ZMIZ1: variants seen among roughly 807,000 people sequenced by gnomAD.
The protein encoded by ZMIZ1 is zinc finger MIZ-type containing 1.
In ZMIZ1, 17 loss-of-function variants were observed where a neutral mutation model predicts 113.9. That is an observed-to-expected ratio of 0.15 (90% CI 0.10 to 0.22). ZMIZ1 has a LOEUF of 0.22. Ranked by LOEUF, ZMIZ1 falls within the 10% of genes least tolerant of loss-of-function variation. The pLI, the probability that ZMIZ1 is intolerant of heterozygous loss-of-function variation, is 1.00. For synonymous variants in ZMIZ1, 607 were observed against 603.1 expected (o/e 1.01, Z -0.09); for missense variants, 1,059 against 1,477.8 (o/e 0.72, Z 4.65).
At chr10:79,312,611 C>CA (rs1474700715) in intron 24 of ZMIZ1, 31 bp from the exon 25 acceptor site, 2 of 1,611,758 alleles carry the variant, frequency 1.2e-6, no homozygotes, top group Admixed American at 3.3e-5. Flanking sequence ...AGGCACACCT[C>CA]ATCTGAACTT....
At chr10:79,311,304 G>GGGGGGGGGGGGGGGGGGC in intron 24 of ZMIZ1, 120 bp downstream of exon 24, 1 of 359,152 alleles carries the variant, frequency 2.8e-6, no homozygotes, top group Non-Finnish European at 5.5e-6. Context: ...TGGGCGGTGG[G>GGGGGGGGGGGGGGGGGGC]AGGGCTTCAC....
chr10:79,276,346 A>C (rs1016197866), intron 7 of ZMIZ1, among the ~76,000 whole-genome samples: 2 of 152,182 alleles, frequency 1.3e-5, no homozygotes, highest in African/African-American at 2.4e-5. Context: ...CTGGCCTGGG[A>C]GGCGCTTTTG....
At chr10:79,269,778 C>T (rs1023060393) in intron 7 of ZMIZ1, among the ~76,000 whole-genome samples, 1 of 152,084 alleles carries the variant, frequency 6.6e-6, no homozygotes, top group Non-Finnish European at 1.5e-5. Context: ...CCATCAGGAG[C>T]GCCTCTTTCC....
chr10:79,195,101 C>T (rs1179605201), intron 4 of ZMIZ1, among the ~76,000 whole-genome samples: 3 of 152,240 alleles, frequency 2.0e-5, no homozygotes, highest in Non-Finnish European at 4.4e-5. Context: ...ATGGACCTGC[C>T]TTGGGACAGG....
At chr10:79,306,546 G>A (rs1411374739) in intron 22 of ZMIZ1, among the ~76,000 whole-genome samples, 1 of 152,094 alleles carries the variant, frequency 6.6e-6, no homozygotes, top group African/African-American at 2.4e-5. Flanking sequence ...AGCCTGCCCT[G>A]GTGGGAGATA....
intron 1 of ZMIZ1, among the ~76,000 whole-genome samples, chr10:79,088,994 A>T (rs2132218715): frequency 6.6e-6 from 1 of 152,294 alleles, no homozygotes; most frequent in Admixed American, 6.5e-5. Flanking sequence ...TGCTCAGGGA[A>T]TCAGGTCTTC....
intron 1 of ZMIZ1, among the ~76,000 whole-genome samples, chr10:79,087,113 T>C (rs1413829004): frequency 2.0e-5 from 3 of 152,266 alleles, no homozygotes; most frequent in Admixed American, 2.0e-4. Context: ...ACCCTCCACC[T>C]TCCCATTGCT....
At chr10:79,240,950 C>T (rs1849805700) in intron 7 of ZMIZ1, among the ~76,000 whole-genome samples, 1 of 152,126 alleles carries the variant, frequency 6.6e-6, no homozygotes, top group Non-Finnish European at 1.5e-5. Flanking sequence ...ATGGTACCAA[C>T]ACATATAGGA....
intron 8 of ZMIZ1, among the ~76,000 whole-genome samples, chr10:79,283,417 A>G (rs541394445): frequency 1.3e-5 from 2 of 152,336 alleles, no homozygotes; most frequent in South Asian, 2.1e-4. Flanking sequence ...CTTGTCGCCA[A>G]GCCTGGCACA....
At position 79,311,500 on chromosome 10, in the gene ZMIZ1, G is replaced by A. The variant is rs530553284; in HGVS notation, c.3096+316G>A. 4.5e-3 allele frequency among the ~76,000 whole-genome samples: 689 copies of A among 152,272 alleles called. 2 individuals are homozygous for A. Among genetic ancestry groups the A allele is most frequent in the Non-Finnish European group, 7.5e-3 (510 of 68,006 alleles). ...CACAGGAGGGTCCCTGCCCTCCCCC[G>A]ATGGTGAGCTTGCGGTTTCTGTGTC... On this transcript the variant is annotated intron_variant, in intron 24 of 24. Coordinates refer to ENST00000334512, the MANE Select transcript of ZMIZ1 (RefSeq NM_020338.4).
At chr10:79,231,524 G>A (rs1275604787) in intron 7 of ZMIZ1, among the ~76,000 whole-genome samples, 1 of 151,626 alleles carries the variant, frequency 6.6e-6, no homozygotes, top group Non-Finnish European at 1.5e-5. Context: ...GATTATAGGT[G>A]TGAGCCACCA....
intron 2 of ZMIZ1, among the ~76,000 whole-genome samples, chr10:79,134,671 A>G (rs935798176): frequency 1.3e-5 from 2 of 152,316 alleles, no homozygotes; most frequent in Non-Finnish European, 2.9e-5. Flanking sequence ...ATCCGGACAC[A>G]TGTGAGGGTG....
chr10:79,230,112 A>G (rs1849336501), intron 7 of ZMIZ1, among the ~76,000 whole-genome samples: 2 of 152,036 alleles, frequency 1.3e-5, no homozygotes, highest in Non-Finnish European at 2.9e-5. Context: ...GCTCCGGCCG[A>G]GCAAAACAGT....
chr10:79,140,970 C>T (rs529376587), intron 3 of ZMIZ1, among the ~76,000 whole-genome samples: 23 of 151,952 alleles, frequency 1.5e-4, no homozygotes, highest in East Asian at 1.9e-4. Context: ...TTTGTGGAGA[C>T]GGGGTCTCAC....
chr10:79,202,042 G>A (rs1302134996), intron 5 of ZMIZ1, among the ~76,000 whole-genome samples: 3 of 114,718 alleles, frequency 2.6e-5, no homozygotes, highest in Non-Finnish European at 5.1e-5. Flanking sequence ...CTGCCCCTTT[G>A]CTCCAGTCGT....
intron 8 of ZMIZ1, 127 bp downstream of exon 8, chr10:79,277,452 A>G (rs2131974526): frequency 2.4e-6 from 3 of 1,272,952 alleles, no homozygotes; most frequent in South Asian, 3.8e-5. Context: ...TCTAAGGTGC[A>G]GTTGTTTTTT....
At chr10:79,286,082 A>C (rs969045157) in intron 8 of ZMIZ1, among the ~76,000 whole-genome samples, 1 of 152,234 alleles carries the variant, frequency 6.6e-6, no homozygotes, top group African/African-American at 2.4e-5. Context: ...GATACTGGGC[A>C]GGCCATGCTG....
chr10:79,076,676 A>G (rs1424692943), intron 1 of ZMIZ1, among the ~76,000 whole-genome samples: 1 of 152,130 alleles, frequency 6.6e-6, no homozygotes, highest in Non-Finnish European at 1.5e-5. Context: ...TCTGCTAAAG[A>G]TACAAAAATT....
intron 7 of ZMIZ1, among the ~76,000 whole-genome samples, chr10:79,259,341 T>C (rs1213243642): frequency 4.6e-5 from 7 of 152,112 alleles, no homozygotes; most frequent in Admixed American, 4.6e-4. Context: ...GGAGTCACCT[T>C]CTGCCTCTCC....
Sources: gnomAD v4.1 joint callset for allele counts (sites outside exome capture counted in the v4.1 genomes callset) on GRCh38, gnomAD v4.1.1 for gene constraint, MANE v1.5 for transcripts, NCBI Gene and HGNC (gene_info 2026-07-23, HGNC 2026-07-21) for gene names.